MIOS: variants seen among roughly 807,000 people sequenced by gnomAD.
MIOS encodes GATOR2 complex protein MIOS.
MIOS carries 52 observed loss-of-function variants against 96.9 expected under a neutral mutation model. The ratio of observed to expected loss-of-function variants is 0.54; its 90% CI spans 0.43 to 0.68. MIOS has a LOEUF of 0.68. MIOS is among the 30% of genes least tolerant of loss of function. MIOS has a pLI of 0.00. For synonymous variants in MIOS, 397 were observed against 359.5 expected, an observed-to-expected ratio of 1.10 and a Z score of -1.18; for missense variants, 1,005 against 1,052.8, an observed-to-expected ratio of 0.95 and a Z score of 0.63.
At chr7:7,589,133 CAATTATCTTT>C (rs1170848646) in intron 8 of MIOS, among the ~76,000 whole-genome samples, 1 of 151,988 alleles carries the variant, frequency 6.6e-6, no homozygotes, top group Non-Finnish European at 1.5e-5. Context: ...ATAATGAGGA[CAATTATCTTT>C]AAAATAATAA....
At chr7:7,585,944 C>CT (rs1347784772) in intron 7 of MIOS, 139 bp downstream of exon 7, 967 of 706,066 alleles carry the variant, frequency 1.4e-3, no homozygotes, top group South Asian at 1.9e-3. Flanking sequence ...GCATCTTGGG[C>CT]TTTTTTTTTG....
At chr7:7,598,459 G>C (rs1418157141) in intron 11 of MIOS, among the ~76,000 whole-genome samples, 2 of 151,860 alleles carry the variant, frequency 1.3e-5, no homozygotes, top group Non-Finnish European at 2.9e-5. Flanking sequence ...GTACATTTTA[G>C]TTTTGATTTA....
At chr7:7,599,304 G>A (rs1467590299) in intron 11 of MIOS, among the ~76,000 whole-genome samples, 1 of 151,918 alleles carries the variant, frequency 6.6e-6, no homozygotes, top group Non-Finnish European at 1.5e-5. Context: ...TTGATTACAG[G>A]GTGCTTTAGA....
chr7:7,584,714 T>G (rs1783830206), intron 6 of MIOS, among the ~76,000 whole-genome samples: 1 of 152,006 alleles, frequency 6.6e-6, no homozygotes, highest in Non-Finnish European at 1.5e-5. Context: ...AATCAAGAAA[T>G]AGATTAAGAA....
At chr7:7,601,730 G>C (rs1044032687) in intron 11 of MIOS, among the ~76,000 whole-genome samples, 2 of 152,180 alleles carry the variant, frequency 1.3e-5, no homozygotes, top group Non-Finnish European at 2.9e-5. Context: ...TATGAGGCCA[G>C]CATCATCCTG....
At chr7:7,594,374 T>C (rs114457286) in intron 9 of MIOS, among the ~76,000 whole-genome samples, 2,015 of 151,336 alleles carry the variant, frequency 0.013, 48 homozygotes, top group African/African-American at 0.046. Context: ...CGGCACAATC[T>C]CAGCTCACTG....
chr7:7,581,248 C>CTGA (rs148961151), intron 5 of MIOS, among the ~76,000 whole-genome samples: 37,852 of 151,210 alleles, frequency 0.25, 4,917 homozygotes, highest in Middle Eastern at 0.39. Flanking sequence ...TTGCAGTGAG[C>CTGA]TGAGATCGTG....
chr7:7,600,161 CTAAAG>C (rs1448130808), intron 11 of MIOS, among the ~76,000 whole-genome samples: 1 of 149,262 alleles, frequency 6.7e-6, no homozygotes, highest in Non-Finnish European at 1.5e-5. Context: ...ACCCCTGAAA[CTAAAG>C]TAAAAGTTTA....
At chr7:7,585,310 C>T (rs1783849324) in intron 6 of MIOS, among the ~76,000 whole-genome samples, 1 of 152,022 alleles carries the variant, frequency 6.6e-6, no homozygotes, top group African/African-American at 2.4e-5. Context: ...GATCTGCTTC[C>T]CTGCACAGAG....
At chr7:7,585,408 A>AACCC (rs1563027875) in intron 6 of MIOS, among the ~76,000 whole-genome samples, 2 of 131,482 alleles carry the variant, frequency 1.5e-5, no homozygotes, top group African/African-American at 5.8e-5. Flanking sequence ...CAAAACCCAA[A>AACCC]CCCCCCCCTT....
chr7:7,577,232 G>A lies in MIOS; in HGVS notation c.1393+3036G>A, dbSNP rs540525451. On this transcript the variant is annotated intron_variant, in intron 5 of 12. Transcript: ENST00000340080. The stretch of plus-strand genomic sequence containing the variant: ...TTGTACCAACCTAGTATACATTCAT[G>A]TGGAAGAGAGGTCAGTTGTCCGGTG... Among the ~76,000 whole-genome samples, 3 of 152,276 alleles carry A rather than the reference G, an allele frequency of 2.0e-5. No homozygotes were observed. The East Asian group carries it at 5.8e-4, about 29-fold the overall frequency.
At chr7:7,594,298 G>A (rs909129724) in intron 9 of MIOS, among the ~76,000 whole-genome samples, 2 of 135,006 alleles carry the variant, frequency 1.5e-5, no homozygotes, top group Non-Finnish European at 3.2e-5. Flanking sequence ...AGCAATTTTG[G>A]TGTGCATTTG....
At chr7:7,574,056 A>G (rs370808562) in intron 4 of MIOS, 42 bp from the exon 5 acceptor site, 3 of 1,414,102 alleles carry the variant, frequency 2.1e-6, no homozygotes, top group Admixed American at 2.0e-5. Flanking sequence ...GCTTTGAAAT[A>G]TATTGTCATG....
chr7:7,573,949 G>A lies in MIOS; in HGVS notation c.1295-149G>A, dbSNP rs1035604122. 1.1e-6 allele frequency: 1 copy of A among 874,630 alleles called. No homozygotes were observed. The highest frequency in any genetic ancestry group is 1.7e-6 in the Non-Finnish European group (1 of 584,400). 54.2% of individuals were successfully genotyped at this position (874,630 alleles called of 1,614,324 possible). A position where few individuals can be genotyped will look rare whatever the true frequency, so the allele number is the denominator to read the frequency against. On this transcript the variant is annotated intron_variant, in intron 4 of 12. Coordinates refer to ENST00000340080, the MANE Select transcript of MIOS (RefSeq NM_019005.4). This position sits in a 1 kb window ranked among gnomAD's most constrained non-coding sequence, Gnocchi z 5.0. ...AACTTGAAATACTGCTTTGTAGATT[G>A]TGTAGGAGGAAGAAAAGTGTATCTC...
chr7:7,597,621 C>T (rs1784254935), intron 11 of MIOS, among the ~76,000 whole-genome samples: 1 of 149,922 alleles, frequency 6.7e-6, no homozygotes, highest in South Asian at 2.1e-4. Flanking sequence ...TTTTATGTTA[C>T]TCTGGTCCTA....
chr7:7,580,319 G>A (rs936987775), intron 5 of MIOS, among the ~76,000 whole-genome samples: 18 of 152,278 alleles, frequency 1.2e-4, no homozygotes, highest in African/African-American at 4.3e-4. Context: ...TCTTTGGGCT[G>A]ACTCCCCTCA....
At chr7:7,606,910 A>G (rs2115518761) in intron 12 of MIOS, 86 bp from the exon 13 acceptor site, 1 of 1,062,014 alleles carries the variant, frequency 9.4e-7, no homozygotes, top group East Asian at 2.6e-5. Flanking sequence ...ATATAGGGAG[A>G]CCCTGTCTCT....
chr7:7,576,042 A>T (rs975735518), intron 5 of MIOS, among the ~76,000 whole-genome samples: 1 of 152,312 alleles, frequency 6.6e-6, no homozygotes, highest in East Asian at 1.9e-4. Flanking sequence ...ATGGTAAGTC[A>T]ACACATTGAG....
chr7:7,588,532 C>T lies in MIOS; in HGVS notation c.1853C>T (p.Ala618Val). The part of the protein sequence containing the change: ...ENKVAVRDRV[A>V]FACKFLSDTQ... Reference sequence around the variant, plus strand: ...AAAGTTGCAGTACGTGACAGAGTGGCATTTGCTTGTAAATTCCTTAGTGAT... The same window carrying T: ...AAAGTTGCAGTACGTGACAGAGTGGTATTTGCTTGTAAATTCCTTAGTGAT... The change falls in exon 8 of 13, where the codon GCA (alanine) becomes GTA (valine). Residue 618 changes from alanine to valine, a missense_variant. By Grantham distance (64) the Ala-to-Val change is moderately conservative (BLOSUM62 0). Transcript: ENST00000340080. 6.3e-7 allele frequency: 1 copy of T among 1,593,158 alleles called. No individual in the cohort carries two copies. The highest frequency in any genetic ancestry group is 8.6e-7 in the Non-Finnish European group (1 of 1,168,592).
Sources: gnomAD v4.1 joint callset for allele counts (sites outside exome capture counted in the v4.1 genomes callset) on GRCh38, gnomAD v4.1.1 for gene constraint, Gnocchi (gnomAD v3.1) non-coding constraint, MANE v1.5 for transcripts, NCBI Gene and HGNC (gene_info 2026-07-23, HGNC 2026-07-21) for gene names.